Variants in FRMD4A observed in about 807,000 individuals in gnomAD.
The protein encoded by FRMD4A is FERM domain-containing protein 4A.
In FRMD4A, 29 loss-of-function variants were observed where a neutral mutation model predicts 129.1. The observed-to-expected ratio is 0.22, with a 90% CI of 0.17 to 0.31. The LOEUF is 0.31. FRMD4A is among the 10% of genes least tolerant of loss of function. FRMD4A has a pLI of 1.00. For synonymous variants in FRMD4A, 634 were observed against 571.6 expected (o/e 1.11, Z -1.56); for missense variants, 1,272 against 1,375.8 (o/e 0.92, Z 1.19).
chr10:14,098,100 A>G (rs999471960), intron 2 of FRMD4A, among the ~76,000 whole-genome samples: 2 of 144,880 alleles, frequency 1.4e-5, no homozygotes. Context: ...TAAATTATAG[A>G]TTATATATAA....
intron 2 of FRMD4A, among the ~76,000 whole-genome samples, chr10:13,976,621 A>G (rs1280579467): frequency 6.6e-6 from 1 of 152,160 alleles, no homozygotes; most frequent in Non-Finnish European, 1.5e-5. Flanking sequence ...TGCCTTGAAA[A>G]GGAATAGGAA....
intron 2 of FRMD4A, among the ~76,000 whole-genome samples, chr10:13,912,198 A>G (rs2094947736): frequency 6.6e-6 from 1 of 152,236 alleles, no homozygotes; most frequent in Non-Finnish European, 1.5e-5. Flanking sequence ...AAGATAAACA[A>G]TGAGACTAAA....
chr10:13,938,368 A>G (rs1202089334), intron 2 of FRMD4A, among the ~76,000 whole-genome samples: 2 of 152,060 alleles, frequency 1.3e-5, no homozygotes, highest in African/African-American at 4.8e-5. Context: ...CAGCCTCCCG[A>G]ATACCTAGGA....
At chr10:13,751,079 A>G (rs957426447) in intron 8 of FRMD4A, among the ~76,000 whole-genome samples, 5 of 152,220 alleles carry the variant, frequency 3.3e-5, no homozygotes, top group Admixed American at 3.3e-4. Flanking sequence ...ACCATGAGAA[A>G]GGCAATTAGT....
At chr10:14,049,468 T>C (rs1001106834) in intron 2 of FRMD4A, among the ~76,000 whole-genome samples, 1 of 152,140 alleles carries the variant, frequency 6.6e-6, no homozygotes, top group African/African-American at 2.4e-5. Flanking sequence ...ACAGTTTGGG[T>C]TTCAGTGTAT....
intron 2 of FRMD4A, among the ~76,000 whole-genome samples, chr10:14,128,342 G>A (rs115045900): frequency 0.012 from 1,897 of 152,096 alleles, 31 homozygotes; most frequent in African/African-American, 0.043. Context: ...GGGCTCAAGT[G>A]ATCTGTGCAC....
chr10:14,223,567 C>G (rs1843332232), intron 2 of FRMD4A, among the ~76,000 whole-genome samples: 1 of 151,942 alleles, frequency 6.6e-6, no homozygotes, highest in Non-Finnish European at 1.5e-5. Flanking sequence ...ATAGGGAAAC[C>G]CTGTCTCTAC....
At chr10:14,201,826 C>A (rs941106512) in intron 2 of FRMD4A, among the ~76,000 whole-genome samples, 1 of 152,130 alleles carries the variant, frequency 6.6e-6, no homozygotes, top group African/African-American at 2.4e-5. Context: ...GGAAGACCTT[C>A]GTGTCTTTAA....
chr10:14,209,564 AC>A (rs1224366734), intron 2 of FRMD4A, among the ~76,000 whole-genome samples: 1 of 152,084 alleles, frequency 6.6e-6, no homozygotes. Context: ...TACTAAAAAT[AC>A]AAAAAATTAG....
intron 2 of FRMD4A, among the ~76,000 whole-genome samples, chr10:14,086,259 A>G (rs924623643): frequency 7.9e-5 from 12 of 152,340 alleles, no homozygotes; most frequent in South Asian, 6.2e-4. Context: ...AATAAAAAAA[A>G]TCTTTCAAAT....
intron 2 of FRMD4A, among the ~76,000 whole-genome samples, chr10:14,304,238 C>T (rs550562661): frequency 1.3e-5 from 2 of 152,306 alleles, no homozygotes; most frequent in East Asian, 3.9e-4. Context: ...CTGCACCATG[C>T]TACATTCTCA....
At chr10:13,649,667 G>GTTGCTTCATGTATTGGTCTTT (rs1440517991) in intron 24 of FRMD4A, 1 of 152,246 alleles carries the variant, frequency 6.6e-6, no homozygotes, top group Non-Finnish European at 1.5e-5. Flanking sequence ...AGCTATAAAT[G>GTTGCTTCATGTATTGGTCTTT]TTGCTTCATG....
intron 5 of FRMD4A, 117 bp downstream of exon 5, chr10:13,796,379 C>G (rs570423786): frequency 4.1e-4 from 282 of 694,086 alleles, no homozygotes; most frequent in Non-Finnish European, 1.3e-4. Flanking sequence ...CAACCTTTAT[C>G]CCTGGCAATG....
rs141985364 is a variant in FRMD4A, at chr10:13,921,138, C to T, written c.46-62226G>A. ...GGCTCCTCTTTCCCCTTGCAGACGG[C>T]TGCCTTCTGGCTGTGTGCTTACATG... is the stretch of plus-strand genomic sequence containing the variant. On this transcript the variant is annotated intron_variant, in intron 2 of 24. Coordinates refer to ENST00000357447, the MANE Select transcript of FRMD4A (RefSeq NM_018027.5). 2.0e-3 allele frequency among the ~76,000 whole-genome samples: 299 copies of T among 152,350 alleles called. 1 individual carries two copies. Among genetic ancestry groups the T allele is most frequent in the African/African-American group, 7.0e-3 (289 of 41,582 alleles).
chr10:13,682,391 G>A (rs1270695622), intron 15 of FRMD4A, among the ~76,000 whole-genome samples: 1 of 152,146 alleles, frequency 6.6e-6, no homozygotes, highest in Non-Finnish European at 1.5e-5. Flanking sequence ...AGCTCAGGAG[G>A]AGAAGGGTAA....
At chr10:13,960,382 G>A (rs2095439006) in intron 2 of FRMD4A, among the ~76,000 whole-genome samples, 1 of 152,232 alleles carries the variant, frequency 6.6e-6, no homozygotes, top group Non-Finnish European at 1.5e-5. Flanking sequence ...GACACAGAAA[G>A]CTCAGGCATC....
chr10:14,279,789 T>C (rs1470941617), intron 2 of FRMD4A, among the ~76,000 whole-genome samples: 1 of 152,220 alleles, frequency 6.6e-6, no homozygotes, highest in East Asian at 1.9e-4. Flanking sequence ...GGGCCCATCA[T>C]TCACTGCATC....
intron 2 of FRMD4A, among the ~76,000 whole-genome samples, chr10:14,138,756 TA>T (rs112538773): frequency 1.2e-3 from 164 of 140,458 alleles, no homozygotes; most frequent in African/African-American, 3.8e-3. Context: ...AGACTCCATC[TA>T]AAAAAAAAAG....
chr10:14,185,452 A>C (rs748142127), intron 2 of FRMD4A, among the ~76,000 whole-genome samples: 45 of 152,274 alleles, frequency 3.0e-4, no homozygotes, highest in Non-Finnish European at 5.4e-4. Flanking sequence ...ATGTCGTGGC[A>C]GAAATTAGTA....
Sources: gnomAD v4.1 joint callset for allele counts (sites outside exome capture counted in the v4.1 genomes callset) on GRCh38, gnomAD v4.1.1 for gene constraint, MANE v1.5 for transcripts, NCBI Gene and HGNC (gene_info 2026-07-23, HGNC 2026-07-21) for gene names.